Variants in SNTG1 observed in about 807,000 individuals in gnomAD.
SNTG1 encodes the protein syntrophin gamma 1.
A neutral mutation model predicts 74.7 loss-of-function variants in SNTG1; 39 were observed. The ratio of observed to expected loss-of-function variants is 0.52; its 90% CI spans 0.40 to 0.68. The LOEUF (loss-of-function observed/expected upper bound fraction) is 0.68. Ranked by LOEUF, SNTG1 falls within the 30% of genes least tolerant of loss-of-function variation. The pLI is 0.00. For missense variants in SNTG1, 685 were observed against 609.5 expected (o/e 1.12, Z -1.30); for synonymous variants, 254 against 217.1 (o/e 1.17, Z -1.49).
chr8:50,679,544 T>C (rs1238890437), intron 15 of SNTG1, among the ~76,000 whole-genome samples: 2 of 152,160 alleles, frequency 1.3e-5, no homozygotes, highest in African/African-American at 4.8e-5. Flanking sequence ...AAATTGCTTG[T>C]GGAATAAATG....
intron 8 of SNTG1, among the ~76,000 whole-genome samples, chr8:50,484,189 C>A (rs2093768547): frequency 8.3e-6 from 1 of 119,776 alleles, no homozygotes; most frequent in African/African-American, 3.0e-5. Context: ...TCCTTCCTTC[C>A]TTCCTTCCTT....
At chr8:50,653,974 G>T (rs896700095) in intron 13 of SNTG1, among the ~76,000 whole-genome samples, 7 of 151,152 alleles carry the variant, frequency 4.6e-5, no homozygotes, top group Non-Finnish European at 8.9e-5. Flanking sequence ...TAATGTACAC[G>T]TTTTTTTTTC....
chr8:49,938,659 T>TCTTC (rs779265503), intron 1 of SNTG1, among the ~76,000 whole-genome samples: 11 of 81,356 alleles, frequency 1.4e-4, no homozygotes, highest in South Asian at 1.1e-3. Flanking sequence ...TCTCTCTCTC[T>TCTTC]CTTCCTTCCT....
At chr8:50,508,450 T>G (rs1383168665) in intron 9 of SNTG1, among the ~76,000 whole-genome samples, 3 of 152,222 alleles carry the variant, frequency 2.0e-5, no homozygotes, top group Non-Finnish European at 4.4e-5. Context: ...ATGGGATTGC[T>G]GGGTCAAATG....
chr8:49,929,146 A>T (rs1369270447), intron 1 of SNTG1, among the ~76,000 whole-genome samples: 2 of 152,234 alleles, frequency 1.3e-5, no homozygotes, highest in Non-Finnish European at 2.9e-5. Context: ...GATAACATTT[A>T]TTTAAAAGTT....
At chr8:50,039,176 C>T (rs766068456) in intron 1 of SNTG1, among the ~76,000 whole-genome samples, 12 of 152,234 alleles carry the variant, frequency 7.9e-5, no homozygotes, top group Non-Finnish European at 1.3e-4. Flanking sequence ...TCAAATTAGG[C>T]TGGGCGTGGT....
At chr8:50,784,962 CA>C (rs887897978) in intron 18 of SNTG1, among the ~76,000 whole-genome samples, 6 of 151,374 alleles carry the variant, frequency 4.0e-5, no homozygotes, top group South Asian at 4.2e-4. Flanking sequence ...ACCAATGGGT[CA>C]AAAAAAATCA....
At chr8:50,433,746 G>A (rs895897857) in intron 4 of SNTG1, among the ~76,000 whole-genome samples, 1 of 152,024 alleles carries the variant, frequency 6.6e-6, no homozygotes, top group Admixed American at 6.6e-5. Context: ...TTCATGACCT[G>A]TGCTAAGTGC....
chr8:50,616,159 T>G (rs978576178), intron 13 of SNTG1, among the ~76,000 whole-genome samples: 1 of 152,226 alleles, frequency 6.6e-6, no homozygotes, highest in Non-Finnish European at 1.5e-5. Flanking sequence ...CAAAATAGTT[T>G]CACAGCAACA....
At chr8:50,655,784 T>C (rs1412830291) in intron 13 of SNTG1, among the ~76,000 whole-genome samples, 1 of 152,214 alleles carries the variant, frequency 6.6e-6, no homozygotes, top group Non-Finnish European at 1.5e-5. Flanking sequence ...ACCACATTAA[T>C]GCTGCAAAAC....
At chr8:50,297,750 A>G (rs1473735456) in intron 2 of SNTG1, among the ~76,000 whole-genome samples, 2 of 152,132 alleles carry the variant, frequency 1.3e-5, no homozygotes, top group Non-Finnish European at 2.9e-5. Flanking sequence ...TTTCCATTGA[A>G]TATTTTCAGA....
intron 4 of SNTG1, among the ~76,000 whole-genome samples, chr8:50,406,232 G>A (rs1032937743): frequency 2.0e-5 from 3 of 151,976 alleles, no homozygotes; most frequent in Admixed American, 6.6e-5. Context: ...GCAATGTTTT[G>A]TTGTTTTCAT....
chr8:50,433,314 T>C (rs2093262219), intron 4 of SNTG1, among the ~76,000 whole-genome samples: 1 of 152,202 alleles, frequency 6.6e-6, no homozygotes, highest in Non-Finnish European at 1.5e-5. Context: ...CTATTTTTGT[T>C]CATTTCATAA....
At chr8:50,764,323 T>A (rs1051389585) in intron 18 of SNTG1, among the ~76,000 whole-genome samples, 1 of 151,728 alleles carries the variant, frequency 6.6e-6, no homozygotes, top group Non-Finnish European at 1.5e-5. Context: ...ATGAACAGAG[T>A]GATGAGGCGA....
chr8:50,379,442 C>T lies in SNTG1; in HGVS notation c.-27-14770C>T, dbSNP rs532891125. 9.9e-5 allele frequency among the ~76,000 whole-genome samples: 15 copies of T among 152,230 alleles called. No individual in the cohort carries two copies. The East Asian group carries it at 2.9e-3, about 30-fold the overall frequency. On this transcript the variant is annotated intron_variant, in intron 2 of 18. Transcript: ENST00000642720. ...GGGGGGTCAGGGGCAGGGCTCCCTC[C>T]TGCTCCAGGGCCCAGGAGCACAGGG...
chr8:50,755,224 C>A (rs886397797), intron 18 of SNTG1, among the ~76,000 whole-genome samples: 4 of 151,766 alleles, frequency 2.6e-5, no homozygotes, highest in African/African-American at 9.7e-5. Context: ...ATAGTCGTTT[C>A]ACTACCCTAA....
At chr8:50,021,949 TAA>T (rs917006299) in intron 1 of SNTG1, among the ~76,000 whole-genome samples, 2 of 139,426 alleles carry the variant, frequency 1.4e-5, no homozygotes, top group South Asian at 2.1e-4. Flanking sequence ...AAAAAAAAAA[TAA>T]AAATAAAAAT....
chr8:50,163,935 A>G (rs1459067765), intron 1 of SNTG1: 1 of 152,186 alleles, frequency 6.6e-6, no homozygotes, highest in Non-Finnish European at 1.5e-5. Context: ...TAATGACTAC[A>G]TCTTTACAAT....
At chr8:50,291,657 T>G (rs895812553) in intron 2 of SNTG1, among the ~76,000 whole-genome samples, 2 of 152,038 alleles carry the variant, frequency 1.3e-5, no homozygotes, top group African/African-American at 4.8e-5. Flanking sequence ...AGGAGTAATA[T>G]GATAAAATGA....
Sources: allele counts gnomAD v4.1 joint callset (sites outside exome capture counted in the v4.1 genomes callset), GRCh38; gene constraint gnomAD v4.1.1; transcripts MANE v1.5; gene names NCBI Gene and HGNC (gene_info 2026-07-23, HGNC 2026-07-21).